Variants in ASAP1 observed in about 807,000 individuals in gnomAD.
ASAP1 encodes the protein arf-GAP with SH3 domain, ANK repeat and PH domain-containing protein 1.
Under a neutral mutation model 145.2 loss-of-function variants are expected in ASAP1, and 43 were observed. The observed-to-expected ratio is 0.30, with a 90% CI of 0.23 to 0.38. The LOEUF (loss-of-function observed/expected upper bound fraction) is 0.38. ASAP1 is among the 10% of genes least tolerant of loss of function. The pLI is 1.00. For synonymous variants in ASAP1, 546 were observed against 515.5 expected, an observed-to-expected ratio of 1.06 and a Z score of -0.80; for missense variants, 1,018 against 1,355.3, an observed-to-expected ratio of 0.75 and a Z score of 3.91.
rs577860108 is a variant in ASAP1 at position 130,362,140 on chromosome 8, TCA to T, written c.60-3999_60-3998del. 2.5e-3 allele frequency among the ~76,000 whole-genome samples: 382 copies of T among 152,276 alleles called. 1 individual carries two copies. Among genetic ancestry groups the T allele is most frequent in the Non-Finnish European group, 2.2e-3 (152 of 68,034 alleles). On this transcript the variant is annotated intron_variant, in intron 2 of 29. Transcript: ENST00000518721. ...CCACTTGCCATCAGGGAATTGGCTC[TCA>T]GTTACATTTCCAGTTGCAGACCTCA...
chr8:130,318,973 T>G (rs373219886), intron 3 of ASAP1, among the ~76,000 whole-genome samples: 1 of 152,150 alleles, frequency 6.6e-6, no homozygotes, highest in African/African-American at 2.4e-5. Flanking sequence ...AAGCTAGGAG[T>G]CTGCTTTATC....
intron 15 of ASAP1, among the ~76,000 whole-genome samples, chr8:130,133,700 CA>C: frequency 6.7e-6 from 1 of 149,030 alleles, no homozygotes. Flanking sequence ...AAAAAAAAAA[CA>C]AAAAACTCCA....
intron 1 of ASAP1, among the ~76,000 whole-genome samples, chr8:130,419,081 G>A (rs1829608466): frequency 6.6e-6 from 1 of 152,184 alleles, no homozygotes; most frequent in African/African-American, 2.4e-5. Context: ...CCTTCCTGGA[G>A]GCCAGGGTCC....
At chr8:130,333,633 A>G (rs1047582934) in intron 3 of ASAP1, among the ~76,000 whole-genome samples, 1 of 152,216 alleles carries the variant, frequency 6.6e-6, no homozygotes, top group Non-Finnish European at 1.5e-5. Context: ...AACAAAAAAC[A>G]AACGGCATGG....
Position 130,112,271 on chromosome 8 carries a change from A to G in ASAP1, c.2224T>C (p.Ser742Pro). ...TTGTCCTGGGGGGAGATGCTGGAGG[A>G]GTGGCAGAAGCTCTGAGGTCTGGGT... ...RSPRPQSFCH[S>P]SSISPQDKLA... The change falls in exon 24 of 30, where the codon TCC becomes CCC. Residue 742 changes from serine (S) to proline (P), a missense_variant. By Grantham distance (74) the Ser-to-Pro change is moderately conservative. Coordinates refer to ENST00000518721, the MANE Select transcript of ASAP1 (RefSeq NM_018482.4). The G allele has an allele frequency of 3.1e-6, 5 of 1,614,070 alleles. No homozygotes were observed. Among genetic ancestry groups the G allele is most frequent in the Non-Finnish European group, 4.2e-6 (5 of 1,180,004 alleles).
intron 5 of ASAP1, among the ~76,000 whole-genome samples, chr8:130,202,721 G>GT (rs1482281110): frequency 6.6e-6 from 1 of 152,188 alleles, no homozygotes; most frequent in Non-Finnish European, 1.5e-5. Context: ...GAATGAATGA[G>GT]TGAATGAATG....
At chr8:130,272,360 C>T (rs993316337) in intron 3 of ASAP1, among the ~76,000 whole-genome samples, 2 of 151,898 alleles carry the variant, frequency 1.3e-5, no homozygotes, top group African/African-American at 4.8e-5. Context: ...TTGGCGAGGA[C>T]GTGGAAAAAA....
intron 3 of ASAP1, among the ~76,000 whole-genome samples, chr8:130,251,694 C>T (rs1414958487): frequency 1.3e-5 from 2 of 152,056 alleles, no homozygotes; most frequent in Non-Finnish European, 2.9e-5. Flanking sequence ...ATGTAGAATT[C>T]TTATGTTGCT....
At chr8:130,317,530 C>T (rs1823738395) in intron 3 of ASAP1, among the ~76,000 whole-genome samples, 1 of 152,094 alleles carries the variant, frequency 6.6e-6, no homozygotes, top group Non-Finnish European at 1.5e-5. Flanking sequence ...AGAATGAGCC[C>T]ACGTCCTCCA....
intron 3 of ASAP1, among the ~76,000 whole-genome samples, chr8:130,306,132 C>A (rs1271379251): frequency 3.3e-5 from 5 of 152,130 alleles, no homozygotes; most frequent in Non-Finnish European, 7.4e-5. Context: ...ATAAATTTTT[C>A]ATATAAAGAA....
In ASAP1 at chr8:130,187,221, CA is replaced by C. The variant is rs1814794721; in HGVS notation, c.530+14del. On this transcript the variant is annotated intron_variant, in intron 7 of 29. Transcript: ENST00000518721. ...TTAAAAAACAAACAAAAACTCTAAA[CA>C]AAAAACCACTTACAACTTTGTCTCA... 2 of 1,591,992 alleles carry C rather than the reference CA, an allele frequency of 1.3e-6. No individual in the cohort carries two copies. The highest frequency in any genetic ancestry group is 1.4e-5 in the African/African-American group (1 of 73,124).
At chr8:130,055,535 TAAAAA>T (rs5895033) in intron 29 of ASAP1, among the ~76,000 whole-genome samples, 1 of 121,594 alleles carries the variant, frequency 8.2e-6, no homozygotes. Context: ...TTCTAGCCAG[TAAAAA>T]AAAAAAAAAA....
intron 27 of ASAP1, 90 bp from the exon 28 acceptor site, chr8:130,061,159 G>C: frequency 6.8e-7 from 1 of 1,478,402 alleles, no homozygotes; most frequent in Non-Finnish European, 9.0e-7. Context: ...ATCATGAAGG[G>C]AACTGACCTA....
intron 1 of ASAP1, among the ~76,000 whole-genome samples, chr8:130,426,680 C>T (rs1341403739): frequency 6.6e-6 from 1 of 152,200 alleles, no homozygotes; most frequent in Non-Finnish European, 1.5e-5. Context: ...GCCTAGGAAT[C>T]GTTTCTCCCC....
chr8:130,241,865 T>TA (rs1217583025), intron 3 of ASAP1, among the ~76,000 whole-genome samples: 1 of 152,156 alleles, frequency 6.6e-6, no homozygotes, highest in African/African-American at 2.4e-5. Context: ...ATTTTAGAAT[T>TA]ACTTTCTAAA....
At chr8:130,357,739 G>A (rs532455535) in intron 3 of ASAP1, among the ~76,000 whole-genome samples, 96 of 152,342 alleles carry the variant, frequency 6.3e-4, no homozygotes, top group Admixed American at 2.5e-3. Flanking sequence ...GCATGCCAGG[G>A]ACAGGACTTC....
At chr8:130,277,290 C>T (rs1820971096) in intron 3 of ASAP1, among the ~76,000 whole-genome samples, 1 of 152,140 alleles carries the variant, frequency 6.6e-6, no homozygotes, top group Non-Finnish European at 1.5e-5. Context: ...TTTCCTGTAG[C>T]AGCCACTTGG....
chr8:130,224,782 A>G (rs2136534911), intron 4 of ASAP1, among the ~76,000 whole-genome samples: 1 of 152,324 alleles, frequency 6.6e-6, no homozygotes, highest in South Asian at 2.1e-4. Flanking sequence ...CAATGCTACA[A>G]TAAATACTCT....
At chr8:130,192,997 C>T (rs1304059938) in intron 5 of ASAP1, among the ~76,000 whole-genome samples, 1 of 152,114 alleles carries the variant, frequency 6.6e-6, no homozygotes, top group Non-Finnish European at 1.5e-5. Context: ...TTATGCTTCA[C>T]TTTGAAAATA....
Sources: gnomAD v4.1 joint callset for allele counts (sites outside exome capture counted in the v4.1 genomes callset) on GRCh38, gnomAD v4.1.1 for gene constraint, MANE v1.5 for transcripts, NCBI Gene and HGNC (gene_info 2026-07-23, HGNC 2026-07-21) for gene names.